PRUNE2: variants seen among roughly 807,000 people sequenced by gnomAD.
PRUNE2 encodes protein prune homolog 2.
A neutral mutation model predicts 252.0 loss-of-function variants in PRUNE2; 164 were observed. The ratio of observed to expected loss-of-function variants is 0.65; its 90% CI spans 0.57 to 0.74. PRUNE2 has a LOEUF of 0.74. PRUNE2 is among the 30% of genes least tolerant of loss of function. The pLI, the probability that PRUNE2 is intolerant of heterozygous loss-of-function variation, is 0.00. For missense variants in PRUNE2, 3,495 were observed against 3,711.0 expected (o/e 0.94, Z 1.51); for synonymous variants, 1,292 against 1,350.2 (o/e 0.96, Z 0.94).
At chr9:76,898,075 G>C (rs762009323) in intron 1 of PRUNE2, among the ~76,000 whole-genome samples, 2 of 152,206 alleles carry the variant, frequency 1.3e-5, no homozygotes, top group Non-Finnish European at 2.9e-5. Context: ...GGGAGGCTAA[G>C]AAACTAAGAT....
chr9:76,898,674 T>C (rs369365246), intron 1 of PRUNE2, among the ~76,000 whole-genome samples: 3 of 151,716 alleles, frequency 2.0e-5, no homozygotes, highest in East Asian at 3.9e-4. Flanking sequence ...GTAGTAACAA[T>C]TAAAAAAACA....
intron 9 of PRUNE2, among the ~76,000 whole-genome samples, chr9:76,689,051 C>T (rs528861024): frequency 1.3e-5 from 2 of 152,222 alleles, no homozygotes; most frequent in East Asian, 3.9e-4. Flanking sequence ...CAGAGCCCCA[C>T]CGTTGTGTAA....
Position 76,662,841 on chromosome 9 carries a change from TAA to T in PRUNE2, c.8277-7341_8277-7340del, listed in dbSNP as rs2039374747. 3.3e-5 allele frequency among the ~76,000 whole-genome samples: 5 copies of T among 152,360 alleles called. No individual in the cohort carries two copies. In the South Asian group the frequency reaches 1.0e-3, roughly 32 times the overall value. ...ACATAAAGAGAAATATCTCTTGTGT[TAA>T]GAGTTCCTTAATACTCTCCTGGCTT... On this transcript the variant is annotated intron_variant, in intron 9 of 18. Transcript: ENST00000376718.
chr9:76,632,582 A>G (rs938690847), intron 15 of PRUNE2, among the ~76,000 whole-genome samples: 2 of 152,122 alleles, frequency 1.3e-5, no homozygotes, highest in African/African-American at 4.8e-5. Flanking sequence ...TTTAGAAGCT[A>G]GGACTCACTC....
At chr9:76,645,025 T>A in intron 11 of PRUNE2, 116 bp from the exon 12 acceptor site, 1 of 927,514 alleles carries the variant, frequency 1.1e-6, no homozygotes, top group East Asian at 2.6e-5. Flanking sequence ...TTTGTTTTGT[T>A]TCATCCTGCA....
chr9:76,861,990 C>T (rs1197953896), intron 1 of PRUNE2: 5 of 152,176 alleles, frequency 3.3e-5, no homozygotes, highest in African/African-American at 4.8e-5. Flanking sequence ...AGTCATCCCA[C>T]TGTTGTGGGG....
chr9:76,703,332 C>T lies in PRUNE2; in HGVS notation c.8276+5G>A. On this transcript the variant is annotated splice_donor_5th_base_variant and intron_variant, in intron 9 of 18. Transcript: ENST00000376718. ...GAAAAAAAATAAATCTAGCTTTTTG[C>T]TTACCCATTTGGTCTTGATATCCTG... 6.4e-7 allele frequency: 1 copy of T among 1,554,912 alleles called. No homozygotes were observed. Among genetic ancestry groups the T allele is most frequent in the South Asian group, 1.2e-5 (1 of 82,784 alleles).
intron 1 of PRUNE2, among the ~76,000 whole-genome samples, chr9:76,877,621 C>G (rs1159318626): frequency 6.6e-6 from 1 of 152,102 alleles, no homozygotes; most frequent in African/African-American, 2.4e-5. Context: ...CAAAAGTGAT[C>G]CCCCCAGCTG....
chr9:76,696,320 C>G (rs1370041820), intron 9 of PRUNE2, among the ~76,000 whole-genome samples: 2 of 152,156 alleles, frequency 1.3e-5, no homozygotes, highest in African/African-American at 4.8e-5. Context: ...TGAGGTCCAC[C>G]ACTCTCCAAT....
At position 76,711,180 on chromosome 9, in the gene PRUNE2, C is replaced by T. The variant is rs375244931; in HGVS notation, c.1094G>A (p.Arg365Gln). ...TGCCACGGCTTCTGTTGAGGATGTC[C>T]GGCTATTGGAGACCATCTCTGGACA... ...RRCPEMVSNSRTSSTEAVAGS... is the reference protein window; with the variant it reads ...RRCPEMVSNSQTSSTEAVAGS... Residue 365 changes from arginine to glutamine, a missense_variant, in exon 8 of 19, where the codon CGG becomes CAG. Coordinates refer to ENST00000376718, the MANE Select transcript of PRUNE2 (RefSeq NM_015225.3). 6.0e-5 allele frequency: 97 copies of T among 1,613,786 alleles called. No individual in the cohort carries two copies. Among genetic ancestry groups the T allele is most frequent in the Non-Finnish European group, 7.4e-5 (87 of 1,179,874 alleles).
At chr9:76,877,889 C>T (rs1412638861) in intron 1 of PRUNE2, among the ~76,000 whole-genome samples, 1 of 152,184 alleles carries the variant, frequency 6.6e-6, no homozygotes, top group African/African-American at 2.4e-5. Flanking sequence ...ATAAAAACTA[C>T]TTAGGTATAG....
At chr9:76,836,961 G>C (rs191261566) in intron 4 of PRUNE2, among the ~76,000 whole-genome samples, 7 of 152,188 alleles carry the variant, frequency 4.6e-5, no homozygotes, top group African/African-American at 1.7e-4. Flanking sequence ...CTCAATGTTT[G>C]AATAAAATAA....
intron 6 of PRUNE2, among the ~76,000 whole-genome samples, chr9:76,746,805 T>A (rs1467422542): frequency 6.6e-6 from 1 of 151,304 alleles, no homozygotes; most frequent in African/African-American, 2.4e-5. Flanking sequence ...CTGGTGACGT[T>A]GCATGGGTGG....
intron 6 of PRUNE2, among the ~76,000 whole-genome samples, chr9:76,722,512 G>A (rs2047736095): frequency 2.0e-5 from 3 of 152,146 alleles, no homozygotes; most frequent in Admixed American, 2.0e-4. Flanking sequence ...TAGCTAAAAA[G>A]AGAGCCCTTT....
chr9:76,804,139 G>A (rs2056764533), intron 6 of PRUNE2, among the ~76,000 whole-genome samples: 1 of 152,110 alleles, frequency 6.6e-6, no homozygotes, highest in Admixed American at 6.5e-5. Flanking sequence ...GGCTGCTCAG[G>A]ACAGCCACCT....
chr9:76,614,544 G>A lies in PRUNE2; in HGVS notation c.*26C>T. On this transcript the variant is annotated 3_prime_UTR_variant, in exon 19 of 19. Transcript: ENST00000376718. Reference sequence around the variant, plus strand: ...TTCAACAGAACCATGAACCAGAAAAGCATCCTCTTCTTCCAGCATGGCCAA... The same window carrying A: ...TTCAACAGAACCATGAACCAGAAAAACATCCTCTTCTTCCAGCATGGCCAA... 6.3e-7 allele frequency: 1 copy of A among 1,599,858 alleles called. No individual in the cohort carries two copies. Among genetic ancestry groups the A allele is most frequent in the Non-Finnish European group, 8.6e-7 (1 of 1,167,324 alleles).
Position 76,707,198 on chromosome 9 carries a change from G to A in PRUNE2, c.5076C>T (p.Val1692=), listed in dbSNP as rs187173141. The change falls in exon 8 of 19, where the codon GTC becomes GTT. Residue 1692 remains valine (V), a synonymous_variant. Transcript: ENST00000376718. Reference sequence around the variant, plus strand: ...CTTCCTCTATTGACTCTTCACCACCGACACTGTCATCATCAGAACCTGAGC... The same window carrying A: ...CTTCCTCTATTGACTCTTCACCACCAACACTGTCATCATCAGAACCTGAGC... ...STSSGSDDDS[V]GGEESIEEEI... is the part of the protein sequence containing the mutation. 3.7e-5 allele frequency: 59 copies of A among 1,613,888 alleles called. No homozygotes were observed. The highest frequency in any genetic ancestry group is 3.1e-4 in the East Asian group (14 of 44,880).
At chr9:76,666,988 G>A (rs1210258857) in intron 9 of PRUNE2, among the ~76,000 whole-genome samples, 1 of 152,074 alleles carries the variant, frequency 6.6e-6, no homozygotes, top group Non-Finnish European at 1.5e-5. Flanking sequence ...AGAGGTTGGG[G>A]TGAGCCAAGA....
chr9:76,731,322 ATAT>A lies in PRUNE2; in HGVS notation c.757-17604_757-17602del, dbSNP rs1473295704. 5.9e-4 allele frequency among the ~76,000 whole-genome samples: 60 copies of A among 101,502 alleles called. 1 individual carries two copies. Among genetic ancestry groups the A allele is most frequent in the African/African-American group, 2.0e-3 (48 of 23,624 alleles). The allele number at this position is 101,502 out of a possible 152,430, so 66.6% of individuals were successfully genotyped here. ...TCTATCTATCTATCTATATATATATATATTTTTTTTTTTTTTTTGAGACAGGGT... is the reference window on the plus strand; with the variant it reads ...TCTATCTATCTATCTATATATATATATTTTTTTTTTTTTTTGAGACAGGGT... On this transcript the variant is annotated intron_variant, in intron 6 of 18. Coordinates refer to ENST00000376718, the MANE Select transcript of PRUNE2 (RefSeq NM_015225.3).
Sources: allele counts gnomAD v4.1 joint callset (sites outside exome capture counted in the v4.1 genomes callset), GRCh38; gene constraint gnomAD v4.1.1; transcripts MANE v1.5; gene names NCBI Gene and HGNC (gene_info 2026-07-23, HGNC 2026-07-21).